Variants in DYRK4 observed in about 807,000 individuals in gnomAD.
DYRK4 encodes the protein dual specificity tyrosine-phosphorylation-regulated kinase 4.
DYRK4 carries 64 observed loss-of-function variants against 68.3 expected under a neutral mutation model. That is an observed-to-expected ratio of 0.94 (90% CI 0.77 to 1.15). The LOEUF (loss-of-function observed/expected upper bound fraction) is 1.15. DYRK4 is among the 50% of genes most tolerant of loss of function. The pLI is 0.00. For missense variants in DYRK4, 740 were observed against 764.7 expected (o/e 0.97, Z 0.38); for synonymous variants, 274 against 289.9 (o/e 0.95, Z 0.56).
chr12:4,606,555 A>G (rs1224825618), intron 11 of DYRK4, among the ~76,000 whole-genome samples: 1 of 152,202 alleles, frequency 6.6e-6, no homozygotes, highest in Non-Finnish European at 1.5e-5. Flanking sequence ...CTTTTTGACT[A>G]GGCATTTCCC....
chr12:4,592,255 T>C (rs1040314485), intron 5 of DYRK4, among the ~76,000 whole-genome samples: 3 of 152,254 alleles, frequency 2.0e-5, no homozygotes, highest in African/African-American at 7.2e-5. Flanking sequence ...ATTCAGCTTA[T>C]ACTTGACTGC....
chr12:4,579,957 C>T lies in DYRK4; in HGVS notation c.133-8980C>T, dbSNP rs189987666. On this transcript the variant is annotated intron_variant, in intron 2 of 14. Coordinates refer to ENST00000543431, the MANE Select transcript of DYRK4 (RefSeq NM_001394779.1). ...GACGCTAGAGGGCTTACGTTCTAGA[C>T]GGGCTTGCTGCTGTTAATTGTGTTA... 1.3e-3 allele frequency among the ~76,000 whole-genome samples: 193 copies of T among 152,268 alleles called. 2 individuals are homozygous for T. Among genetic ancestry groups the T allele is most frequent in the African/African-American group, 4.0e-3 (165 of 41,554 alleles).
At chr12:4,598,977 C>A (rs1324241396) in intron 8 of DYRK4, 51 bp from the exon 9 acceptor site, 4 of 1,603,628 alleles carry the variant, frequency 2.5e-6, no homozygotes, top group Admixed American at 1.7e-5. Context: ...TCAAACTCAG[C>A]CTTATATGTT....
chr12:4,588,840 C>T (rs544258645), intron 2 of DYRK4, 97 bp from the exon 3 acceptor site: 20 of 1,185,066 alleles, frequency 1.7e-5, no homozygotes, highest in Non-Finnish European at 2.4e-5. Flanking sequence ...GGAGAGCTGG[C>T]CTCAAGCATA....
chr12:4,601,714 A>T (rs1373971009), intron 10 of DYRK4, among the ~76,000 whole-genome samples: 5 of 152,182 alleles, frequency 3.3e-5, no homozygotes, highest in Non-Finnish European at 7.3e-5. Context: ...CTTTACATAT[A>T]TATCTTTTTT....
chr12:4,610,474 G>A, intron 13 of DYRK4, 190 bp downstream of exon 13: 1 of 509,758 alleles, frequency 2.0e-6, no homozygotes, highest in South Asian at 4.3e-5. Context: ...CCTACTGTGT[G>A]GTTGTCAGGG....
intron 2 of DYRK4, chr12:4,581,096 G>T: frequency 3.4e-6 from 1 of 291,484 alleles, no homozygotes; most frequent in South Asian, 3.2e-5. Context: ...GGTGTGAGAG[G>T]GCAGGACATA....
chr12:4,568,319 T>C (rs1312858368), intron 2 of DYRK4, among the ~76,000 whole-genome samples: 1 of 152,186 alleles, frequency 6.6e-6, no homozygotes, highest in Non-Finnish European at 1.5e-5. Context: ...GCTGTATATA[T>C]GTGAGATCCT....
chr12:4,605,735 T>TTTC (rs1407420349), intron 11 of DYRK4, among the ~76,000 whole-genome samples: 1 of 125,288 alleles, frequency 8.0e-6, no homozygotes, highest in Non-Finnish European at 1.6e-5. Context: ...CTGGGTTTTT[T>TTTC]TTTTTTTTTT....
intron 2 of DYRK4, among the ~76,000 whole-genome samples, chr12:4,586,723 CACACACACAG>C (rs1394528511): frequency 0.014 from 1,769 of 122,020 alleles, 27 homozygotes; most frequent in African/African-American, 0.045. Flanking sequence ...CACACACACA[CACACACACAG>C]ACACACACAC....
chr12:4,593,282 A>G (rs2137368720), intron 6 of DYRK4, 117 bp downstream of exon 6: 1 of 1,170,624 alleles, frequency 8.5e-7, no homozygotes, highest in South Asian at 1.6e-5. Context: ...GAGACTAGAT[A>G]TCCTGAAGTA....
At chr12:4,607,530 C>A in intron 12 of DYRK4, 143 bp downstream of exon 12, 2 of 893,958 alleles carry the variant, frequency 2.2e-6, no homozygotes, top group Non-Finnish European at 3.5e-6. Flanking sequence ...AGATAATGAG[C>A]AGGGGAATCG....
In DYRK4 at chr12:4,604,975, C is replaced by G. The variant is rs749641359; in HGVS notation, c.1188C>G (p.Tyr396Ter). 2 of 1,614,032 alleles carry G rather than the reference C, an allele frequency of 1.2e-6. No individual in the cohort carries two copies. The highest frequency in any genetic ancestry group is 1.7e-6 in the Non-Finnish European group (2 of 1,179,908). Residue 396 changes from tyrosine (Y) to a stop codon, truncating the protein, a stop_gained, in exon 11 of 15, where the codon TAC (tyrosine) becomes TAG (stop). Transcript: ENST00000543431. LOFTEE classifies it high-confidence loss of function. ...CAGAAGTGATCCTGGGCCACCCCTA[C>G]GACGTGGCCATTGACATGTGGAGCC... ...RSPEVILGHP[Y>*]DVAIDMWSLG... is the part of the protein sequence containing the mutation.
chr12:4,580,421 A>G (rs1944830284), intron 2 of DYRK4, among the ~76,000 whole-genome samples: 1 of 152,172 alleles, frequency 6.6e-6, no homozygotes, highest in Admixed American at 6.5e-5. Flanking sequence ...TGCACAGCAA[A>G]GGGACTTAAA....
rs1023843685 is a variant in DYRK4 at position 4,562,261 on chromosome 12, C to A, written c.16C>A (p.Pro6Thr). The change falls in exon 1 of 15, where the codon CCG becomes ACG. Residue 6 changes from proline to threonine, a missense_variant. Pro to Thr is a conservative substitution (Grantham distance 38). Transcript: ENST00000543431. MQLLP[P>T]PIRTGTKTQM... ...CGCCGGCCTCATGCAGCTCCTCCCG[C>A]CGCCTATCCGCACCGGAACAAAGTA... 5.2e-6 allele frequency: 8 copies of A among 1,532,886 alleles called. No homozygotes were observed. Among genetic ancestry groups the A allele is most frequent in the Middle Eastern group, 1.7e-4 (1 of 6,002 alleles). The allele number at this position is 1,532,886 out of a possible 1,614,324, so 95.0% of individuals were successfully genotyped here. A position where few individuals can be genotyped will look rare whatever the true frequency, so the allele number is the denominator to read the frequency against.
intron 2 of DYRK4, among the ~76,000 whole-genome samples, chr12:4,573,715 A>G (rs1944755611): frequency 6.6e-6 from 1 of 152,188 alleles, no homozygotes; most frequent in Non-Finnish European, 1.5e-5. Context: ...GGAAACTGAG[A>G]TCCAAAGAGA....
intron 8 of DYRK4, 46 bp downstream of exon 8, chr12:4,596,775 C>T: frequency 6.2e-7 from 1 of 1,608,630 alleles, no homozygotes; most frequent in South Asian, 1.1e-5. Flanking sequence ...GAAAAGTTAC[C>T]TAAGTGATAG....
chr12:4,597,307 C>T (rs1945029631), intron 8 of DYRK4: 1 of 269,982 alleles, frequency 3.7e-6, no homozygotes, highest in Non-Finnish European at 5.7e-6. Flanking sequence ...TTATATAAAA[C>T]TAGAAACCCC....
intron 12 of DYRK4, 94 bp downstream of exon 12, chr12:4,607,481 CAA>C: frequency 7.3e-7 from 1 of 1,361,662 alleles, no homozygotes; most frequent in Non-Finnish European, 1.0e-6. Context: ...GGCCACATAC[CAA>C]AGGGCTGTGA....
Sources: allele counts gnomAD v4.1 joint callset (sites outside exome capture counted in the v4.1 genomes callset), GRCh38; gene constraint gnomAD v4.1.1; transcripts MANE v1.5; gene names NCBI Gene and HGNC (gene_info 2026-07-23, HGNC 2026-07-21).